The following B3GAT3 variants were observed in gnomAD, a reference collection of about 807,000 sequenced individuals.
The protein encoded by B3GAT3 is beta-1,3-glucuronyltransferase 3.
Under a neutral mutation model 33.1 loss-of-function variants are expected in B3GAT3, and 19 were observed. The observed-to-expected ratio is 0.57, with a 90% CI of 0.40 to 0.84. The LOEUF (loss-of-function observed/expected upper bound fraction) is 0.84. Ranked by LOEUF, B3GAT3 falls within the 40% of genes least tolerant of loss-of-function variation. B3GAT3 has a pLI of 0.00. For missense variants in B3GAT3, 344 were observed against 441.5 expected (o/e 0.78, Z 1.98); for synonymous variants, 167 against 193.5 (o/e 0.86, Z 1.14).
In B3GAT3 at chr11:62,616,510, G is replaced by C; in HGVS notation, c.905C>G (p.Thr302Ser). Reference sequence around the variant, plus strand: ...TGCCCATCTCCATTCCCTTACCCGAGTGCAGTTGGCAGCCCGTGGCTCCAG... The same window carrying C: ...TGCCCATCTCCATTCCCTTACCCGACTGCAGTTGGCAGCCCGTGGCTCCAG... The part of the protein sequence containing the change: ...KDLEPRAANC[T>S]RVLVWHTRTE... The change falls in exon 4 of 5, where the codon ACT becomes AGT. Residue 302 changes from threonine to serine, a missense_variant. Coordinates refer to ENST00000265471, the MANE Select transcript of B3GAT3 (RefSeq NM_012200.4). 1 of 1,614,148 alleles carries C rather than the reference G, an allele frequency of 6.2e-7. No homozygotes were observed. The highest frequency in any genetic ancestry group is 8.5e-7 in the Non-Finnish European group (1 of 1,180,022).
Position 62,621,961 on chromosome 11 carries a change from C to T in B3GAT3, c.-14G>A, listed in dbSNP as rs762556846. ...CTTCAGCTTCATGGCCGCGCCGCCGCCCGCGCCCGAGCAGGCGGGGTCTGC... is the reference window on the plus strand; with the variant it reads ...CTTCAGCTTCATGGCCGCGCCGCCGTCCGCGCCCGAGCAGGCGGGGTCTGC... On this transcript the variant is annotated 5_prime_UTR_variant, in exon 1 of 5. Transcript: ENST00000265471. 1.9e-6 allele frequency: 3 copies of T among 1,612,672 alleles called. No individual in the cohort carries two copies. Among genetic ancestry groups the T allele is most frequent in the Non-Finnish European group, 2.5e-6 (3 of 1,179,254 alleles).
intron 2 of B3GAT3, among the ~76,000 whole-genome samples, chr11:62,619,146 A>G (rs1361128441): frequency 1.3e-5 from 2 of 149,366 alleles, no homozygotes; most frequent in African/African-American, 2.5e-5. Context: ...GCAAGACTCC[A>G]TCTCGGTGTT....
intron 4 of B3GAT3, 188 bp downstream of exon 4, chr11:62,616,318 G>T: frequency 4.9e-6 from 4 of 812,004 alleles, no homozygotes; most frequent in Non-Finnish European, 8.0e-6. Context: ...CAGAACTCGG[G>T]GCAGAGTGGC....
At position 62,616,962 on chromosome 11, in the gene B3GAT3, T is replaced by G. The variant is rs1427777245; in HGVS notation, c.618+25A>C. 6.2e-6 allele frequency: 10 copies of G among 1,614,126 alleles called. 1 individual carries two copies. The South Asian group carries it at 1.1e-4, about 18-fold the overall frequency. ...ATGAAGCTGGCCGCACCTGGTCTCT[T>G]GCCCATCCCCATCCTGGTGCTCACC... is the stretch of plus-strand genomic sequence containing the variant. On this transcript the variant is annotated intron_variant, in intron 3 of 4. Transcript: ENST00000265471.
chr11:62,616,655 C>A lies in B3GAT3; in HGVS notation c.760G>T (p.Ala254Ser). ...AAGGGCAGGGCCACGGCAAATCCAG[C>A]CATATCCACAGGGAAGGGCCTGCTG... Reference protein sequence around the residue: ...EPSRPFPVDMAGFAVALPLLL... With the variant: ...EPSRPFPVDMSGFAVALPLLL... Residue 254 changes from alanine (A) to serine (S), a missense_variant, in exon 4 of 5, where the codon GCT becomes TCT. By Grantham distance (99) the Ala-to-Ser change is moderately conservative. Coordinates refer to ENST00000265471, the MANE Select transcript of B3GAT3 (RefSeq NM_012200.4). 6.2e-7 allele frequency: 1 copy of A among 1,614,218 alleles called. No individual in the cohort carries two copies. The highest frequency in any genetic ancestry group is 8.5e-7 in the Non-Finnish European group (1 of 1,180,028).
rs1418839797 is a variant in B3GAT3 at position 62,617,330 on chromosome 11, T to A, written c.275A>T (p.Glu92Val). 1 of 1,612,716 alleles carries A rather than the reference T, an allele frequency of 6.2e-7. No individual in the cohort carries two copies. Reference sequence around the variant, plus strand: ...CAGTGTCTGGGACAGTCGTACCAGCTCTGCCTTCTGTACCAGCCTGCAGGG... The same window carrying A: ...CAGTGTCTGGGACAGTCGTACCAGCACTGCCTTCTGTACCAGCCTGCAGGG... ...PTYARLVQKA[E>V]LVRLSQTLSL... Residue 92 changes from glutamate to valine, a missense_variant, in exon 3 of 5, where the codon GAG becomes GTG. Transcript: ENST00000265471.
rs35002433 is a variant in B3GAT3, at chr11:62,616,243, GA to G, written c.909+262del. On this transcript the variant is annotated intron_variant, in intron 4 of 4. Coordinates refer to ENST00000265471, the MANE Select transcript of B3GAT3 (RefSeq NM_012200.4). Reference sequence around the variant, plus strand: ...TGGGTGACACAGCGAGACTCTGTCTGAAAAAAAAAAAAAAACAACAAACAGG... The same window carrying G: ...TGGGTGACACAGCGAGACTCTGTCTGAAAAAAAAAAAAAACAACAAACAGG... 3,385 of 494,144 alleles carry G rather than the reference GA, an allele frequency of 6.9e-3. No homozygotes were observed. Among genetic ancestry groups the G allele is most frequent in the Middle Eastern group, 0.016 (49 of 3,160 alleles). The allele number at this position is 494,144 out of a possible 1,614,324, so 30.6% of individuals were successfully genotyped here.
chr11:62,618,042 T>A (rs2134432183), intron 2 of B3GAT3, among the ~76,000 whole-genome samples: 1 of 151,896 alleles, frequency 6.6e-6, no homozygotes, highest in Non-Finnish European at 1.5e-5. Flanking sequence ...CCAGGCATGG[T>A]GGCAGTCACC....
At position 62,617,023 on chromosome 11, in the gene B3GAT3, G is replaced by A. The variant is rs200186699; in HGVS notation, c.582C>T (p.Asp194=). Residue 194 remains aspartate, a synonymous_variant, in exon 3 of 5, where the codon GAC becomes GAT. Coordinates refer to ENST00000265471, the MANE Select transcript of B3GAT3 (RefSeq NM_012200.4). ...GCTCCCGGCTGTAGGTGTTGTCATC[G>A]TCAGCAAAGTAGACGACTCCTTGGG... ...PGTQGVVYFA[D]DDNTYSRELF... 44 of 1,614,186 alleles carry A rather than the reference G, an allele frequency of 2.7e-5. No homozygotes were observed. The East Asian group carries it at 5.8e-4, about 21-fold the overall frequency.
In B3GAT3 at chr11:62,617,004, G is replaced by A. The variant is rs201166537; in HGVS notation, c.601C>T (p.Arg201Trp). The A allele has an allele frequency of 1.9e-5, 31 of 1,614,168 alleles. No homozygotes were observed. The highest frequency in any genetic ancestry group is 8.9e-5 in the East Asian group (4 of 44,882). Residue 201 changes from arginine (R) to tryptophan (W), a missense_variant, in exon 3 of 5, where the codon CGG (arginine) becomes TGG (tryptophan). Arg to Trp is a moderately radical substitution (Grantham distance 101). Coordinates refer to ENST00000265471, the MANE Select transcript of B3GAT3 (RefSeq NM_012200.4). ...GTGCTCACCTCCTCAAACAGCTCCCGGCTGTAGGTGTTGTCATCGTCAGCA... is the reference window on the plus strand; with the variant it reads ...GTGCTCACCTCCTCAAACAGCTCCCAGCTGTAGGTGTTGTCATCGTCAGCA... Reference protein sequence around the residue: ...YFADDDNTYSRELFEEMRWTR... With the variant: ...YFADDDNTYSWELFEEMRWTR...
rs1374045798 is a variant in B3GAT3 at position 62,615,428 on chromosome 11, T to G, written c.*273A>C. 6.9e-6 allele frequency: 4 copies of G among 581,790 alleles called. No homozygotes were observed. The highest frequency in any genetic ancestry group is 1.2e-5 in the Non-Finnish European group (4 of 329,836). The allele number at this position is 581,790 out of a possible 1,614,324, so 36.0% of individuals were successfully genotyped here. ...AAGTTACCCAGTTACTCAGCTGCCCTCCCTCCTGGGTCCATCTGTCCTTCT... is the reference window on the plus strand; with the variant it reads ...AAGTTACCCAGTTACTCAGCTGCCCGCCCTCCTGGGTCCATCTGTCCTTCT... On this transcript the variant is annotated 3_prime_UTR_variant, in exon 5 of 5. Transcript: ENST00000265471.
intron 4 of B3GAT3, 30 bp from the exon 5 acceptor site, chr11:62,615,829 G>A: frequency 1.2e-6 from 2 of 1,610,058 alleles, no homozygotes; most frequent in Non-Finnish European, 1.7e-6. Context: ...GTGAGAGCCA[G>A]GCCCAGCTGC....
intron 4 of B3GAT3, 50 bp downstream of exon 4, chr11:62,616,456 C>T (rs776117207): frequency 6.8e-5 from 110 of 1,611,312 alleles, no homozygotes; most frequent in Non-Finnish European, 8.9e-5. Context: ...CCTCCCCCAT[C>T]ACCTGTCCAT....
At position 62,617,415 on chromosome 11, in the gene B3GAT3, C is replaced by G. The variant is rs1329429831; in HGVS notation, c.258-68G>C. On this transcript the variant is annotated intron_variant, in intron 2 of 4. Coordinates refer to ENST00000265471, the MANE Select transcript of B3GAT3 (RefSeq NM_012200.4). ...ATTTGCCTGCTCCAGCCAGGGCAGA[C>G]AGCTTCTCCTGGGCCACTGCCTGCG... 4 of 1,596,394 alleles carry G rather than the reference C, an allele frequency of 2.5e-6. No individual in the cohort carries two copies. The African/African-American group carries it at 5.3e-5, about 21-fold the overall frequency.
At position 62,615,546 on chromosome 11, in the gene B3GAT3, G is replaced by A; in HGVS notation, c.*155C>T. 1 of 1,364,174 alleles carries A rather than the reference G, an allele frequency of 7.3e-7. No individual in the cohort carries two copies. The highest frequency in any genetic ancestry group is 1.0e-6 in the Non-Finnish European group (1 of 1,004,276). The allele number at this position is 1,364,174 out of a possible 1,614,324, so 84.5% of individuals were successfully genotyped here. A position where few individuals can be genotyped will look rare whatever the true frequency, so the allele number is the denominator to read the frequency against. On this transcript the variant is annotated 3_prime_UTR_variant, in exon 5 of 5. Coordinates refer to ENST00000265471, the MANE Select transcript of B3GAT3 (RefSeq NM_012200.4). ...CCACACGGCAGGCTAGGGGAGGGGT[G>A]AAGCAGCAGGACCATGCCCTGGGCC...
At position 62,617,197 on chromosome 11, in the gene B3GAT3, C is replaced by T; in HGVS notation, c.408G>A (p.Val136=). The T allele has an allele frequency of 6.2e-7, 1 of 1,613,958 alleles. No homozygotes were observed. Among genetic ancestry groups the T allele is most frequent in the Non-Finnish European group, 8.5e-7 (1 of 1,179,960 alleles). The change falls in exon 3 of 5, where the codon GTG becomes GTA. Residue 136 remains valine (V), a synonymous_variant. Transcript: ENST00000265471. ...GCCGCTGGGCTTTGGGCGTGAGGAC[C>T]ACCAGGTGTGTGAAGAGGAGGCCAG... is the stretch of plus-strand genomic sequence containing the variant. ...AASGLLFTHL[V]VLTPKAQRLR... is the part of the protein sequence containing the mutation.
At chr11:62,621,260 C>T (rs1590780716) in intron 1 of B3GAT3, 2 of 456,576 alleles carry the variant, frequency 4.4e-6, no homozygotes, top group Non-Finnish European at 8.8e-6. Flanking sequence ...TCCCTGCCCT[C>T]ATCGAGCTTT....
chr11:62,616,358 G>C, intron 4 of B3GAT3, 148 bp downstream of exon 4: 1 of 1,198,352 alleles, frequency 8.3e-7, no homozygotes, highest in Non-Finnish European at 1.2e-6. Context: ...CTAGTTCCCA[G>C]CTTCCCCTTC....
At chr11:62,618,678 A>T (rs1943081246) in intron 2 of B3GAT3, among the ~76,000 whole-genome samples, 1 of 150,352 alleles carries the variant, frequency 6.7e-6, no homozygotes, top group African/African-American at 2.4e-5. Context: ...AAAAAAATAC[A>T]AAAGTAAAAT....
Sources: gnomAD v4.1 joint callset for allele counts (sites outside exome capture counted in the v4.1 genomes callset) on GRCh38, gnomAD v4.1.1 for gene constraint, MANE v1.5 for transcripts, NCBI Gene and HGNC (gene_info 2026-07-23, HGNC 2026-07-21) for gene names.